NCAPD2: variants seen among roughly 807,000 people sequenced by gnomAD.
The protein encoded by NCAPD2 is condensin complex subunit 1.
Under a neutral mutation model 164.5 loss-of-function variants are expected in NCAPD2, and 100 were observed. The ratio of observed to expected loss-of-function variants is 0.61; its 90% CI spans 0.52 to 0.72. The LOEUF is 0.72. Ranked by LOEUF, NCAPD2 falls within the 30% of genes least tolerant of loss-of-function variation. The pLI, the probability that NCAPD2 is intolerant of heterozygous loss-of-function variation, is 0.00. For synonymous variants in NCAPD2, 585 were observed against 642.6 expected (o/e 0.91, Z 1.36); for missense variants, 1,560 against 1,749.2 (o/e 0.89, Z 1.93).
chr12:6,514,596 TC>T lies in NCAPD2; in HGVS notation c.839+11del, dbSNP rs778619480. 1.9e-6 allele frequency: 3 copies of T among 1,614,132 alleles called. No homozygotes were observed. The highest frequency in any genetic ancestry group is 2.5e-6 in the Non-Finnish European group (3 of 1,180,004). On this transcript the variant is annotated intron_variant, in intron 8 of 31. Transcript: ENST00000315579. ...GTGGGAGAGATTGTAAGGTGACTCT[TC>T]CTTCTCGAAGTTTCTCATGCTTATT...
intron 6 of NCAPD2, among the ~76,000 whole-genome samples, chr12:6,513,658 A>AGAT (rs1565542451): frequency 6.7e-6 from 1 of 148,922 alleles, no homozygotes; most frequent in Non-Finnish European, 1.5e-5. Context: ...AGACCACTTG[A>AGAT]GATGCAGATT....
intron 2 of NCAPD2, among the ~76,000 whole-genome samples, chr12:6,507,139 T>TTTTA (rs917818761): frequency 3.0e-4 from 46 of 152,174 alleles, no homozygotes; most frequent in Non-Finnish European, 5.6e-4. Flanking sequence ...ACATCTTTTA[T>TTTTA]TTTATTTATT....
rs3076239 is a variant in NCAPD2, at chr12:6,523,398, G to GTTTTTTTTT, written c.2214+61_2214+69dup. ...TATTCATTCAACAAGTATTTTGGTT[G>GTTTTTTTTT]TTTTTTTTTTTTTTTTTGAGACGGA... On this transcript the variant is annotated intron_variant, in intron 17 of 31. Coordinates refer to ENST00000315579, the MANE Select transcript of NCAPD2 (RefSeq NM_014865.4). 1.9e-4 allele frequency: 165 copies of GTTTTTTTTT among 872,988 alleles called. 1 individual carries two copies. The highest frequency in any genetic ancestry group is 4.5e-4 in the African/African-American group (20 of 44,732). 54.1% of individuals were successfully genotyped at this position (872,988 alleles called of 1,614,324 possible).
At chr12:6,496,403 A>G (rs1364499469) in intron 2 of NCAPD2, among the ~76,000 whole-genome samples, 1 of 151,936 alleles carries the variant, frequency 6.6e-6, no homozygotes, top group Non-Finnish European at 1.5e-5. Flanking sequence ...GGAAAAAGGA[A>G]TTTTCTTTTT....
rs753378700 is a variant in NCAPD2, at chr12:6,521,983, A to G, written c.1900A>G (p.Ile634Val). 2.5e-6 allele frequency: 4 copies of G among 1,614,216 alleles called. No homozygotes were observed. Among genetic ancestry groups the G allele is most frequent in the Non-Finnish European group, 3.4e-6 (4 of 1,180,030 alleles). ...LQDAYSFSRKITEAIGIISKM... is the reference protein window; with the variant it reads ...LQDAYSFSRKVTEAIGIISKM... ...GGATGCCTACAGCTTCTCCCGGAAG[A>G]TTACAGAGGCCATTGGCATCATCAG... is the stretch of plus-strand genomic sequence containing the variant. Residue 634 changes from isoleucine (I) to valine (V), a missense_variant, in exon 15 of 32, where the codon ATT (isoleucine) becomes GTT (valine). Physicochemically the swap from Ile to Val is conservative, Grantham distance 29 (BLOSUM62 3). Coordinates refer to ENST00000315579, the MANE Select transcript of NCAPD2 (RefSeq NM_014865.4).
chr12:6,499,436 G>A (rs1946014208), intron 2 of NCAPD2, among the ~76,000 whole-genome samples: 1 of 152,030 alleles, frequency 6.6e-6, no homozygotes, highest in African/African-American at 2.4e-5. Flanking sequence ...CGCCCAGGTT[G>A]GAGTGCAGTG....
rs927016533 is a variant in NCAPD2, at chr12:6,525,482, C to T, written c.2215-101C>T. ...TTTCTTTTTCTCTTCCTAAGTATTACTTTTGTCTACTTCAGGTTCGCAATA... is the reference window on the plus strand; with the variant it reads ...TTTCTTTTTCTCTTCCTAAGTATTATTTTTGTCTACTTCAGGTTCGCAATA... On this transcript the variant is annotated intron_variant, in intron 17 of 31. Coordinates refer to ENST00000315579, the MANE Select transcript of NCAPD2 (RefSeq NM_014865.4). 35 of 1,380,054 alleles carry T rather than the reference C, an allele frequency of 2.5e-5. No individual in the cohort carries two copies. The East Asian group carries it at 7.9e-4, about 31-fold the overall frequency. 85.5% of individuals were successfully genotyped at this position (1,380,054 alleles called of 1,614,324 possible). A position where few individuals can be genotyped will look rare whatever the true frequency, so the allele number is the denominator to read the frequency against.
In NCAPD2 at chr12:6,528,141, G is replaced by C. The variant is rs370030512; in HGVS notation, c.3144-32G>C. On this transcript the variant is annotated intron_variant, in intron 24 of 31. Coordinates refer to ENST00000315579, the MANE Select transcript of NCAPD2 (RefSeq NM_014865.4). The surrounding 1 kb of genome is among the most constrained non-coding windows in gnomAD (Gnocchi z 5.1). ...TTCTCAAGGAAGATGGGGATGAAATGGCTTCCCTAATGATCCTCTTCTTGC... is the reference window on the plus strand; with the variant it reads ...TTCTCAAGGAAGATGGGGATGAAATCGCTTCCCTAATGATCCTCTTCTTGC... The C allele has an allele frequency of 5.0e-6, 8 of 1,614,188 alleles. No homozygotes were observed. Among genetic ancestry groups the C allele is most frequent in the Non-Finnish European group, 6.8e-6 (8 of 1,180,024 alleles).
rs1565546352 is a variant in NCAPD2 at position 6,525,640 on chromosome 12, G to C, written c.2272G>C (p.Glu758Gln). 6.2e-7 allele frequency: 1 copy of C among 1,612,206 alleles called. No individual in the cohort carries two copies. The highest frequency in any genetic ancestry group is 8.5e-7 in the Non-Finnish European group (1 of 1,179,486). ...ACCAGCAGTGACCCAGCTGCTGTGG[G>C]AGCGGGCCACCGAGAAGGTCGCCTG... ...LKPAVTQLLW[E>Q]RATEKVACCP... Residue 758 changes from glutamate (E) to glutamine (Q), a missense_variant, in exon 18 of 32, where the codon GAG becomes CAG. Transcript: ENST00000315579.
Position 6,514,764 on chromosome 12 carries a change from C to G in NCAPD2, c.840-9C>G, listed in dbSNP as rs1364083930. 1 of 1,613,962 alleles carries G rather than the reference C, an allele frequency of 6.2e-7. No individual in the cohort carries two copies. Among genetic ancestry groups the G allele is most frequent in the South Asian group, 1.1e-5 (1 of 91,064 alleles). On this transcript the variant is annotated splice_polypyrimidine_tract_variant and intron_variant, in intron 8 of 31. Coordinates refer to ENST00000315579, the MANE Select transcript of NCAPD2 (RefSeq NM_014865.4). Reference sequence around the variant, plus strand: ...ATGTTGCTATGGCTGTGTTTTCTTCCCTGTGTAGAGAGATTGGACAAAAGT... The same window carrying G: ...ATGTTGCTATGGCTGTGTTTTCTTCGCTGTGTAGAGAGATTGGACAAAAGT...
Position 6,531,673 on chromosome 12 carries a change from C to T in NCAPD2, c.*261C>T, listed in dbSNP as rs558442120. 4.9e-5 allele frequency: 24 copies of T among 493,056 alleles called. No individual in the cohort carries two copies. Among genetic ancestry groups the T allele is most frequent in the African/African-American group, 4.2e-4 (21 of 50,496 alleles). 30.5% of individuals were successfully genotyped at this position (493,056 alleles called of 1,614,324 possible). On this transcript the variant is annotated 3_prime_UTR_variant, in exon 32 of 32. Transcript: ENST00000315579. The surrounding 1 kb of genome is among the most constrained non-coding windows in gnomAD (Gnocchi z 4.1). The stretch of plus-strand genomic sequence containing the variant: ...ATAAAAAATTAGCCGGGCGTATTGG[C>T]GTGCGCCTGTAATCCCAGCTACTCA...
At chr12:6,514,027 T>C (rs1288574052) in intron 6 of NCAPD2, among the ~76,000 whole-genome samples, 2 of 152,194 alleles carry the variant, frequency 1.3e-5, no homozygotes, top group Non-Finnish European at 2.9e-5. Flanking sequence ...CTCTATCATA[T>C]TTTTATGATA....
chr12:6,518,249 T>A (rs1946222263), intron 13 of NCAPD2: 5 of 222,546 alleles, frequency 2.2e-5, no homozygotes, highest in East Asian at 1.1e-4. Context: ...AAATAAGTTC[T>A]AGTTGTATGA....
chr12:6,525,243 A>T (rs1471433666), intron 17 of NCAPD2, among the ~76,000 whole-genome samples: 1 of 152,254 alleles, frequency 6.6e-6, no homozygotes, highest in African/African-American at 2.4e-5. Context: ...AAAGGCAAGG[A>T]AGGATGATGG....
chr12:6,513,715 C>CTTTTTTTTTTTCTTTTTTTTTTTTTTT (rs1946172285), intron 6 of NCAPD2, among the ~76,000 whole-genome samples: 1 of 74,894 alleles, frequency 1.3e-5, no homozygotes, highest in Non-Finnish European at 2.5e-5. Flanking sequence ...GTGACTTTGT[C>CTTTTTTTTTTTCTTTTTTTTTTTTTTT]TTTTTTTTTT....
chr12:6,531,569 A>G lies in NCAPD2; in HGVS notation c.*157A>G, dbSNP rs1946374407. On this transcript the variant is annotated 3_prime_UTR_variant, in exon 32 of 32. Coordinates refer to ENST00000315579, the MANE Select transcript of NCAPD2 (RefSeq NM_014865.4). This position sits in a 1 kb window ranked among gnomAD's most constrained non-coding sequence, Gnocchi z 4.1. ...GCCTGTAATCCCAGCACTTTGCGAT[A>G]CCAAGGCGGGTGGATAACCTGAGGT... 6.9e-7 allele frequency: 1 copy of G among 1,457,448 alleles called. No individual in the cohort carries two copies. Among genetic ancestry groups the G allele is most frequent in the African/African-American group, 1.4e-5 (1 of 70,198 alleles). 90.3% of individuals were successfully genotyped at this position (1,457,448 alleles called of 1,614,324 possible).
rs796161815 is a variant in NCAPD2, at chr12:6,518,508, T to TTG, written c.1589+550_1589+551insGT. On this transcript the variant is annotated intron_variant, in intron 13 of 31. Coordinates refer to ENST00000315579, the MANE Select transcript of NCAPD2 (RefSeq NM_014865.4). ...AGCCCTTACAGCCGTCAACAAGTTT[T>TTG]TTTTTTTTTTTTTTTTTTTTTTTTT... Among the ~76,000 whole-genome samples the TTG allele has an allele frequency of 1.9e-3, 169 of 91,136 alleles. 32 individuals are homozygous for TTG. The highest frequency in any genetic ancestry group is 8.2e-3 in the African/African-American group (164 of 19,944). 59.8% of individuals were successfully genotyped at this position (91,136 alleles called of 152,430 possible).
intron 2 of NCAPD2, among the ~76,000 whole-genome samples, chr12:6,505,254 CAG>C: frequency 6.6e-6 from 1 of 152,102 alleles, no homozygotes; most frequent in South Asian, 2.1e-4. Context: ...TTAGTAGAGA[CAG>C]GGTTTCCCCA....
intron 2 of NCAPD2, among the ~76,000 whole-genome samples, chr12:6,498,409 T>C (rs1480449833): frequency 6.6e-6 from 1 of 152,180 alleles, no homozygotes; most frequent in Non-Finnish European, 1.5e-5. Context: ...AGTTCTTCCT[T>C]TCAAGGTTCT....
Sources: allele counts gnomAD v4.1 joint callset (sites outside exome capture counted in the v4.1 genomes callset), GRCh38; gene constraint gnomAD v4.1.1; non-coding constraint Gnocchi (gnomAD v3.1); transcripts MANE v1.5; gene names NCBI Gene and HGNC (gene_info 2026-07-23, HGNC 2026-07-21).